Variants in KIRREL3 observed in about 807,000 individuals in gnomAD.
KIRREL3 encodes kirre like nephrin family adhesion molecule 3.
Under a neutral mutation model 89.7 loss-of-function variants are expected in KIRREL3, and 36 were observed. The observed-to-expected ratio is 0.40, with a 90% CI of 0.31 to 0.53. The LOEUF (loss-of-function observed/expected upper bound fraction) is 0.53. KIRREL3 is among the 20% of genes least tolerant of loss of function. The probability of loss-of-function intolerance (pLI) is 0.49; values close to 1 mark genes in which losing one functional copy is unlikely to be tolerated. For synonymous variants in KIRREL3, 445 were observed against 441.4 expected (o/e 1.01, Z -0.10); for missense variants, 864 against 1,056.6 (o/e 0.82, Z 2.53).
At chr11:126,679,403 G>A (rs1413256348) in intron 1 of KIRREL3, among the ~76,000 whole-genome samples, 2 of 152,190 alleles carry the variant, frequency 1.3e-5, no homozygotes, top group Non-Finnish European at 2.9e-5. Flanking sequence ...GCATATGCGT[G>A]TCCTTTGCTA....
At chr11:126,698,991 T>C (rs1565659448) in intron 1 of KIRREL3, among the ~76,000 whole-genome samples, 2 of 152,238 alleles carry the variant, frequency 1.3e-5, no homozygotes, top group South Asian at 4.1e-4. Flanking sequence ...AGTTTTCTTT[T>C]CATGTGAAAA....
In KIRREL3 at chr11:126,686,644, A is replaced by T. The variant is rs1241360166; in HGVS notation, c.56-123732T>A. Reference sequence around the variant, plus strand: ...GCACAGGCTGGAGTGCAGTGGCGTGATCTTGGCTCACTGCAACCTCGGCCT... The same window carrying T: ...GCACAGGCTGGAGTGCAGTGGCGTGTTCTTGGCTCACTGCAACCTCGGCCT... On this transcript the variant is annotated intron_variant, in intron 1 of 16. Transcript: ENST00000525144. The surrounding 1 kb of genome is among the most constrained non-coding windows in gnomAD (Gnocchi z 4.7). Among the ~76,000 whole-genome samples the T allele has an allele frequency of 6.6e-6, 1 of 152,080 alleles. No individual in the cohort carries two copies.
At chr11:126,450,960 C>T (rs1427987310) in intron 7 of KIRREL3, among the ~76,000 whole-genome samples, 6 of 126,594 alleles carry the variant, frequency 4.7e-5, no homozygotes, top group African/African-American at 1.5e-4. Flanking sequence ...CATGTGTGAG[C>T]GTGTGCATGC....
rs1325968632 is a variant in KIRREL3 at position 126,761,425 on chromosome 11, T to C, written c.56-198513A>G. 1.3e-5 allele frequency among the ~76,000 whole-genome samples: 2 copies of C among 152,208 alleles called. No individual in the cohort carries two copies. The highest frequency in any genetic ancestry group is 2.9e-5 in the Non-Finnish European group (2 of 68,044). The stretch of plus-strand genomic sequence containing the variant: ...AGCAAAGGGCAGTGTCCAGAGTCCA[T>C]TCTTCCTGCCTCATCACTGAGGAGG... On this transcript the variant is annotated intron_variant, in intron 1 of 16. Coordinates refer to ENST00000525144, the MANE Select transcript of KIRREL3 (RefSeq NM_032531.4). This position sits in a 1 kb window ranked among gnomAD's most constrained non-coding sequence, Gnocchi z 4.4.
In KIRREL3 at chr11:126,782,771, A is replaced by G. The variant is rs1950367807; in HGVS notation, c.55+217684T>C. On this transcript the variant is annotated intron_variant, in intron 1 of 16. Coordinates refer to ENST00000525144, the MANE Select transcript of KIRREL3 (RefSeq NM_032531.4). This position sits in a 1 kb window ranked among gnomAD's most constrained non-coding sequence, Gnocchi z 4.1. ...ATATAGATATAGATGTTATGTATGG[A>G]AATATTTATAGCTATGTATATGTGA... Among the ~76,000 whole-genome samples, 1 of 152,172 alleles carries G rather than the reference A, an allele frequency of 6.6e-6. No homozygotes were observed.
chr11:126,473,597 T>G (rs1956986872), intron 4 of KIRREL3, 131 bp from the exon 5 acceptor site: 1 of 753,774 alleles, frequency 1.3e-6, no homozygotes, highest in South Asian at 2.2e-5. Context: ...CATCGTCCGC[T>G]TGTATCGTAA....
At position 126,428,365 on chromosome 11, in the gene KIRREL3, T is replaced by C. The variant is rs935214977; in HGVS notation, c.1806+814A>G. 1.3e-5 allele frequency among the ~76,000 whole-genome samples: 2 copies of C among 151,962 alleles called. No homozygotes were observed. The highest frequency in any genetic ancestry group is 2.9e-5 in the Non-Finnish European group (2 of 67,998). On this transcript the variant is annotated intron_variant, in intron 15 of 16. Coordinates refer to ENST00000525144, the MANE Select transcript of KIRREL3 (RefSeq NM_032531.4). This position sits in a 1 kb window ranked among gnomAD's most constrained non-coding sequence, Gnocchi z 6.4. ...AACTAGGTAGATGATGGCCCATAAA[T>C]GGGGATTCGGAAGAGGAGGAGCAGG...
chr11:126,839,078 T>A (rs916066552), intron 1 of KIRREL3, among the ~76,000 whole-genome samples: 1 of 152,210 alleles, frequency 6.6e-6, no homozygotes, highest in East Asian at 1.9e-4. Context: ...GTCAAGCCTC[T>A]AGCCAGCGAT....
At chr11:126,532,564 C>T (rs1037523856) in intron 2 of KIRREL3, among the ~76,000 whole-genome samples, 5 of 151,960 alleles carry the variant, frequency 3.3e-5, no homozygotes, top group African/African-American at 9.7e-5. Flanking sequence ...TTAGTAGAGA[C>T]GGGGTTTCAC....
At chr11:126,733,350 G>A (rs1331937603) in intron 1 of KIRREL3, among the ~76,000 whole-genome samples, 1 of 152,138 alleles carries the variant, frequency 6.6e-6, no homozygotes, top group Admixed American at 6.5e-5. Context: ...CCACAAGAGA[G>A]GTGCATCGTA....
chr11:126,963,180 G>A (rs1429759073), intron 1 of KIRREL3, among the ~76,000 whole-genome samples: 1 of 152,106 alleles, frequency 6.6e-6, no homozygotes, highest in Non-Finnish European at 1.5e-5. Flanking sequence ...AAATGGCTGA[G>A]AGCACTGATA....
At chr11:126,916,690 G>C (rs1947054767) in intron 1 of KIRREL3, among the ~76,000 whole-genome samples, 1 of 151,486 alleles carries the variant, frequency 6.6e-6, no homozygotes, top group South Asian at 2.1e-4. Context: ...GTTCCAACCT[G>C]GGGATATTCT....
rs1945154943 is a variant in KIRREL3, at chr11:126,872,895, A to C, written c.55+127560T>G. Among the ~76,000 whole-genome samples, 1 of 151,926 alleles carries C rather than the reference A, an allele frequency of 6.6e-6. No homozygotes were observed. The highest frequency in any genetic ancestry group is 2.4e-5 in the African/African-American group (1 of 41,348). ...GGCATCTAAGTGACGGCCACTGTTC[A>C]CCAGCTGTGCCGAGTTACTACACAG... On this transcript the variant is annotated intron_variant, in intron 1 of 16. Coordinates refer to ENST00000525144, the MANE Select transcript of KIRREL3 (RefSeq NM_032531.4). This position sits in a 1 kb window ranked among gnomAD's most constrained non-coding sequence, Gnocchi z 4.2.
At chr11:126,789,953 G>A (rs937332387) in intron 1 of KIRREL3, among the ~76,000 whole-genome samples, 38 of 152,010 alleles carry the variant, frequency 2.5e-4, no homozygotes, top group African/African-American at 6.0e-4. Context: ...CACTATATCC[G>A]ACTGCTAACT....
At chr11:126,760,782 G>A (rs1001050386) in intron 1 of KIRREL3, among the ~76,000 whole-genome samples, 2 of 152,178 alleles carry the variant, frequency 1.3e-5, no homozygotes, top group Admixed American at 1.3e-4. Context: ...TTCTCTCTCT[G>A]AGTCTCAGTT....
Position 126,640,425 on chromosome 11 carries a change from G to A in KIRREL3, c.56-77513C>T, listed in dbSNP as rs1387384020. 6.6e-6 allele frequency among the ~76,000 whole-genome samples: 1 copy of A among 152,190 alleles called. No individual in the cohort carries two copies. The highest frequency in any genetic ancestry group is 1.5e-5 in the Non-Finnish European group (1 of 68,030). Reference sequence around the variant, plus strand: ...CATCCTCATCCGGAACTAGCAAACAGACTGTCAGTTCAGATTAGCAACATC... The same window carrying A: ...CATCCTCATCCGGAACTAGCAAACAAACTGTCAGTTCAGATTAGCAACATC... On this transcript the variant is annotated intron_variant, in intron 1 of 16. Transcript: ENST00000525144. This position sits in a 1 kb window ranked among gnomAD's most constrained non-coding sequence, Gnocchi z 4.9.
At chr11:126,547,343 A>G (rs941183225) in intron 2 of KIRREL3, among the ~76,000 whole-genome samples, 1 of 152,230 alleles carries the variant, frequency 6.6e-6, no homozygotes, top group Non-Finnish European at 1.5e-5. Context: ...TCTGCAGGAA[A>G]GACTCTCATT....
intron 1 of KIRREL3, among the ~76,000 whole-genome samples, chr11:126,846,454 C>T (rs887754182): frequency 2.6e-5 from 4 of 152,110 alleles, no homozygotes; most frequent in Non-Finnish European, 5.9e-5. Context: ...AATTATCATG[C>T]CTTTTAGGTC....
At position 126,683,842 on chromosome 11, in the gene KIRREL3, C is replaced by A. The variant is rs1175645271; in HGVS notation, c.56-120930G>T. On this transcript the variant is annotated intron_variant, in intron 1 of 16. Transcript: ENST00000525144. The surrounding 1 kb of genome is among the most constrained non-coding windows in gnomAD (Gnocchi z 5.2). ...TAGAAACAGGAAGCCGTCTTGAAAC[C>A]CTCGCCAGGCCCCAGACGCGCGTGG... Among the ~76,000 whole-genome samples, 8 of 152,208 alleles carry A rather than the reference C, an allele frequency of 5.3e-5. No homozygotes were observed. The highest frequency in any genetic ancestry group is 1.2e-4 in the Non-Finnish European group (8 of 68,042).
Sources: allele counts gnomAD v4.1 joint callset (sites outside exome capture counted in the v4.1 genomes callset), GRCh38; gene constraint gnomAD v4.1.1; non-coding constraint Gnocchi (gnomAD v3.1); transcripts MANE v1.5; gene names NCBI Gene and HGNC (gene_info 2026-07-23, HGNC 2026-07-21).